The following SCHIP1 variants were observed in gnomAD, a reference collection of about 807,000 sequenced individuals.
SCHIP1 encodes the protein schwannomin-interacting protein 1.
SCHIP1 carries 8 observed loss-of-function variants against 29.7 expected under a neutral mutation model. That is an observed-to-expected ratio of 0.27 (90% CI 0.16 to 0.49). The LOEUF is 0.49. Among genes scored for constraint, SCHIP1 ranks in the 20% least tolerant of loss-of-function variants. The pLI, the probability that SCHIP1 is intolerant of heterozygous loss-of-function variation, is 0.99. For synonymous variants in SCHIP1, 76 were observed against 94.9 expected (o/e 0.80, Z 1.16); for missense variants, 193 against 294.6 (o/e 0.66, Z 2.52).
At chr3:159,783,849 G>C in the SCHIP1 span, among the ~76,000 whole-genome samples, 1 of 152,126 alleles carries the variant, frequency 6.6e-6, no homozygotes, top group Non-Finnish European at 1.5e-5. Flanking sequence ...CCTTTTTCCT[G>C]ATGAGTTATT....
chr3:159,660,390 A>T, the SCHIP1 span, among the ~76,000 whole-genome samples: 1 of 152,194 alleles, frequency 6.6e-6, no homozygotes, highest in Non-Finnish European at 1.5e-5. Context: ...TAGTGTTCCA[A>T]ATGAAAGCGG....
chr3:159,519,117 G>A, the SCHIP1 span, among the ~76,000 whole-genome samples: 2 of 152,040 alleles, frequency 1.3e-5, no homozygotes, highest in African/African-American at 2.4e-5. Flanking sequence ...ACCAGAGGTG[G>A]TCCAAGTTTA....
the SCHIP1 span, among the ~76,000 whole-genome samples, chr3:159,339,070 C>A: frequency 2.0e-5 from 3 of 152,130 alleles, no homozygotes; most frequent in South Asian, 6.2e-4. Context: ...TTCATAGGTT[C>A]CATGGCCATT....
chr3:159,735,982 G>A, the SCHIP1 span, among the ~76,000 whole-genome samples: 2 of 152,048 alleles, frequency 1.3e-5, no homozygotes, highest in Non-Finnish European at 2.9e-5. Flanking sequence ...ACTTATGCAC[G>A]TGGTTCAGGG....
At chr3:159,677,793 T>A in the SCHIP1 span, among the ~76,000 whole-genome samples, 1 of 152,198 alleles carries the variant, frequency 6.6e-6, no homozygotes, top group African/African-American at 2.4e-5. Flanking sequence ...ACAGTTTTAA[T>A]GAACACAGAG....
chr3:159,552,325 C>T, the SCHIP1 span, among the ~76,000 whole-genome samples: 3 of 152,142 alleles, frequency 2.0e-5, no homozygotes, highest in African/African-American at 7.2e-5. Flanking sequence ...GGATTATAGA[C>T]ATGAGCCACT....
At chr3:159,365,637 C>T in the SCHIP1 span, among the ~76,000 whole-genome samples, 1 of 152,126 alleles carries the variant, frequency 6.6e-6, no homozygotes, top group African/African-American at 2.4e-5. Context: ...GAGTTGGTTG[C>T]CCTGATCTAG....
the SCHIP1 span, among the ~76,000 whole-genome samples, chr3:159,786,166 A>G: frequency 1.3e-4 from 20 of 152,340 alleles, no homozygotes; most frequent in South Asian, 4.1e-3. Flanking sequence ...CTTACTCAAC[A>G]GCTGTTTGTA....
At chr3:159,397,610 G>T in the SCHIP1 span, among the ~76,000 whole-genome samples, 5 of 152,290 alleles carry the variant, frequency 3.3e-5, no homozygotes, top group East Asian at 7.7e-4. Flanking sequence ...CCTGCTGGGG[G>T]GTGCCTCCCA....
chr3:159,656,284 T>C, the SCHIP1 span, among the ~76,000 whole-genome samples: 4 of 152,178 alleles, frequency 2.6e-5, no homozygotes, highest in Non-Finnish European at 5.9e-5. Flanking sequence ...CTCTTACAGA[T>C]AGGGAATCCA....
intron 2 of SCHIP1, among the ~76,000 whole-genome samples, chr3:159,884,389 G>GTGTA (rs1372477378): frequency 6.8e-6 from 1 of 148,106 alleles, no homozygotes; most frequent in Non-Finnish European, 1.5e-5. Flanking sequence ...GTGTGTGTGT[G>GTGTA]TTTATGTATG....
chr3:159,479,154 A>T, the SCHIP1 span, among the ~76,000 whole-genome samples: 1 of 152,208 alleles, frequency 6.6e-6, no homozygotes, highest in East Asian at 1.9e-4. Flanking sequence ...AATTTTGTGT[A>T]TCATGCAATG....
chr3:159,358,058 T>C, the SCHIP1 span, among the ~76,000 whole-genome samples: 2 of 152,216 alleles, frequency 1.3e-5, no homozygotes, highest in Admixed American at 1.3e-4. Flanking sequence ...CTGTGGAATG[T>C]TGGTATGTGA....
the SCHIP1 span, among the ~76,000 whole-genome samples, chr3:159,420,873 G>A: frequency 6.6e-6 from 1 of 152,200 alleles, no homozygotes; most frequent in Non-Finnish European, 1.5e-5. Flanking sequence ...ACATGAGCCA[G>A]TATTATCCTG....
the SCHIP1 span, among the ~76,000 whole-genome samples, chr3:159,816,702 A>G: frequency 6.6e-6 from 1 of 152,306 alleles, no homozygotes; most frequent in South Asian, 2.1e-4. Context: ...TCAGCACTAC[A>G]TAACTCCTAT....
the SCHIP1 span, among the ~76,000 whole-genome samples, chr3:159,297,126 TTGTG>T: frequency 0.21 from 30,614 of 143,128 alleles, 3,499 homozygotes; most frequent in East Asian, 0.38. Flanking sequence ...TAATATTCCA[TTGTG>T]TGTGTGTGTG....
chr3:159,839,628 C>CTTT (rs3068349), upstream of SCHIP1, among the ~76,000 whole-genome samples: 93 of 71,770 alleles, frequency 1.3e-3, no homozygotes, highest in Non-Finnish European at 1.8e-3. Context: ...AGGTCTTTTT[C>CTTT]TTTTTTTTTT....
chr3:159,693,662 G>T, the SCHIP1 span, among the ~76,000 whole-genome samples: 16 of 152,218 alleles, frequency 1.1e-4, 1 homozygote, highest in African/African-American at 3.6e-4. Flanking sequence ...ATAGGTAGAG[G>T]TCACATCAGT....
At chr3:159,626,192 A>C in the SCHIP1 span, among the ~76,000 whole-genome samples, 1 of 122,836 alleles carries the variant, frequency 8.1e-6, no homozygotes, top group African/African-American at 4.8e-5. Context: ...AGATAGATAG[A>C]TAGATAGATA....
Sources: allele counts gnomAD v4.1 joint callset (sites outside exome capture counted in the v4.1 genomes callset), GRCh38; gene constraint gnomAD v4.1.1; transcripts MANE v1.5; gene names NCBI Gene and HGNC (gene_info 2026-07-23, HGNC 2026-07-21).